Variants in C10orf143 observed in about 807,000 individuals in gnomAD.
C10orf143 encodes uncharacterized protein C10orf143.
At chr10:130,051,044 A>C (rs1212618420) in intron 3 of C10orf143, among the ~76,000 whole-genome samples, 1 of 152,194 alleles carries the variant, frequency 6.6e-6, no homozygotes, top group African/African-American at 2.4e-5. Context: ...TGCTAAGCCA[A>C]CTTGCCATTT....
At chr10:130,050,625 T>A (rs527653427) in intron 3 of C10orf143, among the ~76,000 whole-genome samples, 1 of 152,344 alleles carries the variant, frequency 6.6e-6, no homozygotes, top group South Asian at 2.1e-4. Context: ...TGTGTTTTTT[T>A]AAAGAAACTT....
intron 1 of C10orf143, among the ~76,000 whole-genome samples, chr10:130,100,101 G>A (rs1005710218): frequency 6.6e-6 from 1 of 151,702 alleles, no homozygotes; most frequent in African/African-American, 2.4e-5. Context: ...CTCCCAAAGT[G>A]CTGGGATTAC....
chr10:130,060,639 C>T (rs189842012), downstream of C10orf143, among the ~76,000 whole-genome samples: 360 of 151,298 alleles, frequency 2.4e-3, 1 homozygote, highest in African/African-American at 6.7e-3. Flanking sequence ...CTGGCTAACA[C>T]GGTGAAACCC....
chr10:130,084,140 C>A (rs1467722890), intron 1 of C10orf143, among the ~76,000 whole-genome samples: 1 of 151,988 alleles, frequency 6.6e-6, no homozygotes, highest in Non-Finnish European at 1.5e-5. Flanking sequence ...AAAACCCCAT[C>A]TCTACTAAAA....
At chr10:130,108,249 C>G (rs189223394) in intron 1 of C10orf143, 8 of 1,558,550 alleles carry the variant, frequency 5.1e-6, no homozygotes, top group Non-Finnish European at 7.1e-6. Context: ...TATTTTCCAC[C>G]AGGGGATTTC....
At chr10:130,083,598 G>T (rs968028526) in intron 1 of C10orf143, among the ~76,000 whole-genome samples, 3 of 152,194 alleles carry the variant, frequency 2.0e-5, no homozygotes, top group Non-Finnish European at 4.4e-5. Flanking sequence ...CTGGTCTAGA[G>T]TGATTTCCAG....
intron 1 of C10orf143, among the ~76,000 whole-genome samples, chr10:130,110,412 T>C (rs1028733895): frequency 2.0e-5 from 3 of 152,140 alleles, no homozygotes; most frequent in South Asian, 4.1e-4. Flanking sequence ...TCTCGGCCCA[T>C]GTTTTAGGGA....
intron 1 of C10orf143, among the ~76,000 whole-genome samples, chr10:130,099,844 A>C (rs1382501337): frequency 1.4e-4 from 13 of 94,938 alleles, no homozygotes; most frequent in African/African-American, 4.2e-4. Context: ...TTTTTTCTTT[A>C]TTTTTTTTTT....
intron 3 of C10orf143, among the ~76,000 whole-genome samples, chr10:130,055,667 C>T (rs1246471893): frequency 4.6e-5 from 7 of 152,224 alleles, no homozygotes; most frequent in South Asian, 4.1e-4. Flanking sequence ...CTCACCTGGC[C>T]GGGCACGGTG....
chr10:130,077,082 C>T (rs1354290040), intron 3 of C10orf143, among the ~76,000 whole-genome samples: 1 of 152,094 alleles, frequency 6.6e-6, no homozygotes, highest in East Asian at 1.9e-4. Flanking sequence ...TAAACCCTAA[C>T]AGTAATTACT....
intron 3 of C10orf143, among the ~76,000 whole-genome samples, chr10:130,044,007 GAGAGAGAGAGAA>G (rs1230907800): frequency 6.6e-6 from 1 of 150,712 alleles, no homozygotes; most frequent in African/African-American, 2.5e-5. Flanking sequence ...GAGAGAGAGA[GAGAGAGAGAGAA>G]AGAGAGAGAG....
intron 1 of C10orf143, among the ~76,000 whole-genome samples, chr10:130,083,175 A>G (rs1275785431): frequency 6.6e-6 from 1 of 152,226 alleles, no homozygotes; most frequent in Non-Finnish European, 1.5e-5. Context: ...ACATGAAAAA[A>G]AGTGTTCAAA....
chr10:130,086,190 GC>G (rs1274800166), intron 1 of C10orf143, among the ~76,000 whole-genome samples: 2 of 152,168 alleles, frequency 1.3e-5, no homozygotes, highest in Non-Finnish European at 2.9e-5. Context: ...TAGGTCAACA[GC>G]CCCAGCAACC....
intron 1 of C10orf143, among the ~76,000 whole-genome samples, chr10:130,098,410 T>C (rs904306950): frequency 6.6e-6 from 1 of 152,252 alleles, no homozygotes; most frequent in Non-Finnish European, 1.5e-5. Context: ...AGTAGCTATG[T>C]GATGATAATG....
chr10:130,097,957 A>C (rs1450587441), intron 1 of C10orf143, among the ~76,000 whole-genome samples: 2 of 152,006 alleles, frequency 1.3e-5, no homozygotes, highest in Non-Finnish European at 2.9e-5. Context: ...AAGAGAATGA[A>C]AACTGGGTGG....
At chr10:130,093,633 T>C (rs564199077) in intron 1 of C10orf143, among the ~76,000 whole-genome samples, 1 of 152,306 alleles carries the variant, frequency 6.6e-6, no homozygotes, top group East Asian at 1.9e-4. Context: ...AGGAGCTGAT[T>C]TTTTGAAAAG....
intron 3 of C10orf143, among the ~76,000 whole-genome samples, chr10:130,044,098 G>C (rs1860638537): frequency 6.6e-6 from 1 of 152,142 alleles, no homozygotes; most frequent in Non-Finnish European, 1.5e-5. Flanking sequence ...GGGACAGCTG[G>C]TTTCCTCCAG....
At chr10:130,050,086 C>T (rs746560851) in intron 3 of C10orf143, among the ~76,000 whole-genome samples, 1 of 152,276 alleles carries the variant, frequency 6.6e-6, no homozygotes. Context: ...AATGGAAAAA[C>T]GGGAGGCGGG....
At chr10:130,097,584 G>C (rs1861482178) in intron 1 of C10orf143, among the ~76,000 whole-genome samples, 1 of 152,152 alleles carries the variant, frequency 6.6e-6, no homozygotes, top group African/African-American at 2.4e-5. Context: ...AGCAATTCCA[G>C]CCCTAAGTAT....
Sources: allele counts gnomAD v4.1 joint callset (sites outside exome capture counted in the v4.1 genomes callset), GRCh38; gene constraint gnomAD v4.1.1; transcripts MANE v1.5; gene names NCBI Gene and HGNC (gene_info 2026-07-23, HGNC 2026-07-21).